The following PLA1A variants were observed in gnomAD, a reference collection of about 807,000 sequenced individuals.
The protein encoded by PLA1A is phosphatidylserine-specific phospholipase A1alpha.
Under a neutral mutation model 49.4 loss-of-function variants are expected in PLA1A, and 47 were observed. The ratio of observed to expected loss-of-function variants is 0.95; its 90% confidence interval spans 0.75 to 1.21. PLA1A has a LOEUF of 1.21. PLA1A is among the 50% of genes most tolerant of loss of function. The probability of loss-of-function intolerance (pLI) is 0.00; values close to 1 mark genes in which losing one functional copy is unlikely to be tolerated. For synonymous variants in PLA1A, 224 were observed against 207.9 expected, an observed-to-expected ratio of 1.08 and a Z score of -0.67; for missense variants, 561 against 563.9, an observed-to-expected ratio of 0.99 and a Z score of 0.05.
In PLA1A at chr3:119,609,063, G is replaced by A; in HGVS notation, c.453+116G>A. The A allele has an allele frequency of 3.9e-6, 3 of 775,102 alleles. No individual in the cohort carries two copies. The South Asian group carries it at 5.3e-5, about 14-fold the overall frequency. 48.0% of individuals were successfully genotyped at this position (775,102 alleles called of 1,614,324 possible). ...GGAAGCAGAGTCACCAGGTAGCTCGGTGGTCTTGGGTTCAAATCTTGACTT... is the reference window on the plus strand; with the variant it reads ...GGAAGCAGAGTCACCAGGTAGCTCGATGGTCTTGGGTTCAAATCTTGACTT... On this transcript the variant is annotated intron_variant, in intron 3 of 10. Coordinates refer to ENST00000273371, the MANE Select transcript of PLA1A (RefSeq NM_015900.4).
At chr3:119,625,426 G>A (rs2052509293) in intron 9 of PLA1A, among the ~76,000 whole-genome samples, 194 bp downstream of exon 9, 1 of 152,194 alleles carries the variant, frequency 6.6e-6, no homozygotes, top group Admixed American at 6.5e-5. Context: ...GTGGGTCCAA[G>A]TATAGCAGAT....
intron 8 of PLA1A, among the ~76,000 whole-genome samples, chr3:119,622,171 G>C (rs540328664): frequency 1.8e-3 from 181 of 99,922 alleles, no homozygotes; most frequent in African/African-American, 6.4e-3. Flanking sequence ...AGAAGAAGAA[G>C]AAGAAGAAGA....
intron 4 of PLA1A, among the ~76,000 whole-genome samples, chr3:119,609,895 G>T (rs1238601471): frequency 1.3e-5 from 2 of 152,176 alleles, no homozygotes; most frequent in East Asian, 3.8e-4. Flanking sequence ...ATGTGATGCT[G>T]AGGTTCAGGT....
Position 119,616,036 on chromosome 3 carries a change from G to C in PLA1A, c.689G>C (p.Gly230Ala). ...TDNLGIRIPV[G>A]HVDYFVNGGQ... ...GATTTGGGTATTCGGATTCCCGTTG[G>C]ACATGTGGACTACTTCGTCAACGGA... Residue 230 changes from glycine (G) to alanine (A), a missense_variant, in exon 6 of 11, where the codon GGA becomes GCA. By Grantham distance (60) the Gly-to-Ala change is moderately conservative. Transcript: ENST00000273371. 6.2e-7 allele frequency: 1 copy of C among 1,612,848 alleles called. No individual in the cohort carries two copies. The highest frequency in any genetic ancestry group is 8.5e-7 in the Non-Finnish European group (1 of 1,178,882).
intron 9 of PLA1A, 30 bp from the exon 10 acceptor site, chr3:119,628,671 A>G: frequency 1.2e-6 from 2 of 1,610,038 alleles, no homozygotes; most frequent in Non-Finnish European, 1.7e-6. Flanking sequence ...GGCTACAGTC[A>G]TTTACTTTCC....
At chr3:119,606,725 C>G in intron 1 of PLA1A, 49 bp from the exon 2 acceptor site, 1 of 1,462,336 alleles carries the variant, frequency 6.8e-7, no homozygotes, top group South Asian at 1.1e-5. Flanking sequence ...CTTCTAAGAA[C>G]AGATGACCTC....
At chr3:119,623,501 C>T (rs941505584) in intron 8 of PLA1A, among the ~76,000 whole-genome samples, 1 of 152,024 alleles carries the variant, frequency 6.6e-6, no homozygotes, top group Non-Finnish European at 1.5e-5. Flanking sequence ...AGGGGTATCA[C>T]CATGGCCCAG....
rs1019505455 is a variant in PLA1A at position 119,629,746 on chromosome 3, G to C, written c.*278G>C. 2.5e-6 allele frequency: 1 copy of C among 393,466 alleles called. No individual in the cohort carries two copies. The highest frequency in any genetic ancestry group is 6.9e-4 in the Middle Eastern group (1 of 1,456). The allele number at this position is 393,466 out of a possible 1,614,324, so 24.4% of individuals were successfully genotyped here. A position where few individuals can be genotyped will look rare whatever the true frequency, so the allele number is the denominator to read the frequency against. ...TTATCTCCTTGGGCATTCGTACTTAGGATTCAATAGAAACATGTACAGGGT... is the reference window on the plus strand; with the variant it reads ...TTATCTCCTTGGGCATTCGTACTTACGATTCAATAGAAACATGTACAGGGT... On this transcript the variant is annotated 3_prime_UTR_variant, in exon 11 of 11. Transcript: ENST00000273371.
At chr3:119,599,555 C>A (rs2082587367) in intron 1 of PLA1A, among the ~76,000 whole-genome samples, 2 of 152,182 alleles carry the variant, frequency 1.3e-5, no homozygotes, top group South Asian at 4.1e-4. Flanking sequence ...TTTTTGGAAG[C>A]TCATCTGTCG....
At chr3:119,619,227 C>G (rs2082894698) in intron 7 of PLA1A, among the ~76,000 whole-genome samples, 1 of 152,204 alleles carries the variant, frequency 6.6e-6, no homozygotes, top group Admixed American at 6.5e-5. Flanking sequence ...TCACCATGCT[C>G]CCACTGCACG....
intron 6 of PLA1A, among the ~76,000 whole-genome samples, chr3:119,616,912 G>A (rs1339502164): frequency 1.3e-5 from 2 of 152,210 alleles, no homozygotes; most frequent in African/African-American, 4.8e-5. Context: ...AACTTGAGAA[G>A]GGTTTAGTTT....
At chr3:119,619,990 T>C in intron 8 of PLA1A, 1 of 462,272 alleles carries the variant, frequency 2.2e-6, no homozygotes, top group East Asian at 6.4e-5. Flanking sequence ...GCGCCCACCC[T>C]ATGTGGTTCT....
intron 1 of PLA1A, among the ~76,000 whole-genome samples, chr3:119,605,845 T>A (rs150776351): frequency 7.9e-5 from 12 of 152,332 alleles, no homozygotes; most frequent in African/African-American, 2.4e-4. Context: ...CCAGAGAATT[T>A]CCATTGTAAA....
At chr3:119,615,846 GA>G (rs1491236795) in intron 5 of PLA1A, among the ~76,000 whole-genome samples, 165 bp from the exon 6 acceptor site, 1 of 151,412 alleles carries the variant, frequency 6.6e-6, no homozygotes, top group South Asian at 2.1e-4. Flanking sequence ...AAAAAGAAAA[GA>G]AAAGAAAAGA....
At chr3:119,605,441 AC>A (rs2082673567) in intron 1 of PLA1A, among the ~76,000 whole-genome samples, 1 of 152,114 alleles carries the variant, frequency 6.6e-6, no homozygotes, top group Non-Finnish European at 1.5e-5. Flanking sequence ...CCAGATCCAC[AC>A]TCCTGTTGTA....
At chr3:119,615,825 A>G (rs1458231930) in intron 5 of PLA1A, among the ~76,000 whole-genome samples, 187 bp from the exon 6 acceptor site, 5 of 144,620 alleles carry the variant, frequency 3.5e-5, no homozygotes, top group African/African-American at 8.3e-5. Flanking sequence ...AAAGCCTCAG[A>G]AAAAAAAAAG....
At chr3:119,628,609 A>G (rs2052578523) in intron 9 of PLA1A, 92 bp from the exon 10 acceptor site, 1 of 1,166,916 alleles carries the variant, frequency 8.6e-7, no homozygotes, top group African/African-American at 1.5e-5. Flanking sequence ...ACAGCCAACC[A>G]GTGCCACCAG....
intron 7 of PLA1A, 24 bp from the exon 8 acceptor site, chr3:119,619,539 C>T (rs772596237): frequency 1.3e-6 from 2 of 1,549,330 alleles, no homozygotes; most frequent in South Asian, 1.1e-5. Flanking sequence ...CAGGACTCTG[C>T]TGTCTTTGCT....
intron 2 of PLA1A, among the ~76,000 whole-genome samples, chr3:119,608,256 G>GA: frequency 6.9e-6 from 1 of 144,020 alleles, no homozygotes. Context: ...AAGAAAGAAA[G>GA]AAAGAAAGAA....
Sources: allele counts gnomAD v4.1 joint callset (sites outside exome capture counted in the v4.1 genomes callset), GRCh38; gene constraint gnomAD v4.1.1; transcripts MANE v1.5; gene names NCBI Gene and HGNC (gene_info 2026-07-23, HGNC 2026-07-21).